The following GALNT13 variants were observed in gnomAD, a reference collection of about 807,000 sequenced individuals.
GALNT13 encodes the protein polypeptide N-acetylgalactosaminyltransferase 13, also known as UDP-GalNAc:polypeptide N-acetylgalactosaminyltransferase 13.
GALNT13 carries 28 observed loss-of-function variants against 64.2 expected under a neutral mutation model. The ratio of observed to expected loss-of-function variants is 0.44; its 90% CI spans 0.32 to 0.60. The LOEUF is 0.60. Ranked by LOEUF, GALNT13 falls within the 20% of genes least tolerant of loss-of-function variation. GALNT13 has a pLI of 0.05. For missense variants in GALNT13, 577 were observed against 669.8 expected (o/e 0.86, Z 1.53); for synonymous variants, 214 against 224.6 (o/e 0.95, Z 0.42).
the GALNT13 span, among the ~76,000 whole-genome samples, chr2:153,414,418 C>T: frequency 6.6e-6 from 1 of 150,518 alleles, no homozygotes; most frequent in Admixed American, 6.6e-5. Context: ...GTTACAGTGT[C>T]CTTTTAAATT....
chr2:154,151,140 T>G (rs560573291), intron 4 of GALNT13, among the ~76,000 whole-genome samples: 1 of 152,124 alleles, frequency 6.6e-6, no homozygotes. Context: ...TCTTTGTTCT[T>G]GTTGGTTTCA....
the GALNT13 span, among the ~76,000 whole-genome samples, chr2:153,251,776 C>G: frequency 6.6e-6 from 1 of 151,772 alleles, no homozygotes; most frequent in Non-Finnish European, 1.5e-5. Flanking sequence ...CAATTTCATC[C>G]ATGTCCCTAC....
chr2:153,345,750 C>CTTCT, the GALNT13 span, among the ~76,000 whole-genome samples: 1 of 137,670 alleles, frequency 7.3e-6, no homozygotes, highest in African/African-American at 2.7e-5. Flanking sequence ...TCCTTCCTTC[C>CTTCT]TTCCTTCCTT....
the GALNT13 span, among the ~76,000 whole-genome samples, chr2:153,627,246 C>T: frequency 2.0e-5 from 3 of 151,958 alleles, no homozygotes; most frequent in African/African-American, 7.2e-5. Flanking sequence ...ATTTCCAAAC[C>T]TAGAAATATC....
At chr2:153,259,729 C>T in the GALNT13 span, among the ~76,000 whole-genome samples, 1 of 152,182 alleles carries the variant, frequency 6.6e-6, no homozygotes, top group African/African-American at 2.4e-5. Flanking sequence ...GCCTCCCCAG[C>T]CATGTGGAAG....
At chr2:153,542,913 A>C in the GALNT13 span, among the ~76,000 whole-genome samples, 1 of 152,156 alleles carries the variant, frequency 6.6e-6, no homozygotes, top group Non-Finnish European at 1.5e-5. Flanking sequence ...CATCTAATAA[A>C]ATTTTGAGCA....
the GALNT13 span, among the ~76,000 whole-genome samples, chr2:153,319,496 C>A: frequency 8.5e-5 from 13 of 152,092 alleles, no homozygotes; most frequent in Non-Finnish European, 1.8e-4. Flanking sequence ...CCAGACTGTT[C>A]TTGAGCTCCT....
At chr2:153,352,336 C>G in the GALNT13 span, among the ~76,000 whole-genome samples, 1 of 151,966 alleles carries the variant, frequency 6.6e-6, no homozygotes, top group Admixed American at 6.6e-5. Context: ...TTTAAAAGTT[C>G]TTTGTATATT....
intron 4 of GALNT13, among the ~76,000 whole-genome samples, chr2:154,182,601 GAAATT>G (rs1486296412): frequency 1.3e-5 from 2 of 148,630 alleles, no homozygotes; most frequent in Non-Finnish European, 3.0e-5. Flanking sequence ...TGTTTTATAA[GAAATT>G]AAAGCAGAAA....
At chr2:153,678,523 A>G in the GALNT13 span, among the ~76,000 whole-genome samples, 1 of 152,034 alleles carries the variant, frequency 6.6e-6, no homozygotes, top group Admixed American at 6.6e-5. Context: ...ATGGGGGCCT[A>G]CTTGAAGGTG....
the GALNT13 span, among the ~76,000 whole-genome samples, chr2:153,305,898 C>T: frequency 3.3e-5 from 5 of 152,142 alleles, no homozygotes; most frequent in African/African-American, 9.7e-5. Context: ...AAAATGTTTG[C>T]TAAAGCATCT....
At chr2:153,200,337 A>G in the GALNT13 span, among the ~76,000 whole-genome samples, 2 of 152,364 alleles carry the variant, frequency 1.3e-5, no homozygotes, top group African/African-American at 4.8e-5. Context: ...TAGAAATGCA[A>G]TAACTAGTGG....
chr2:154,081,032 A>G (rs549690570), intron 3 of GALNT13, among the ~76,000 whole-genome samples: 2 of 151,646 alleles, frequency 1.3e-5, no homozygotes, highest in South Asian at 4.2e-4. Flanking sequence ...GTTGCTGTGC[A>G]TCCAAGATTC....
In GALNT13 at chr2:154,373,485, G is replaced by C. The variant is rs969822388; in HGVS notation, c.1157-22506G>C. 3.9e-5 allele frequency among the ~76,000 whole-genome samples: 6 copies of C among 152,236 alleles called. No homozygotes were observed. The South Asian group carries it at 1.2e-3, about 32-fold the overall frequency. On this transcript the variant is annotated intron_variant, in intron 9 of 12. Transcript: ENST00000392825. ...CCTTGAGAGCTGATTGTCTGGTTCAGACCTTCAATCTGCTTAGAAAAATGT... is the reference window on the plus strand; with the variant it reads ...CCTTGAGAGCTGATTGTCTGGTTCACACCTTCAATCTGCTTAGAAAAATGT...
At chr2:153,833,052 G>T in the GALNT13 span, among the ~76,000 whole-genome samples, 1 of 152,110 alleles carries the variant, frequency 6.6e-6, no homozygotes, top group Non-Finnish European at 1.5e-5. Context: ...ATTCTGAGTA[G>T]CCTGATGAAA....
rs372541314 is a variant in GALNT13 at position 153,884,766 on chromosome 2, A to AATATAT, written c.-177+12478_-177+12483dup. ...AAACCCAGTCTGTACTAAAAATACG[A>AATATAT]ATATATATATATATATATATGTGTG... On this transcript the variant is annotated intron_variant, in intron 1 of 12. Coordinates refer to ENST00000392825, the MANE Select transcript of GALNT13 (RefSeq NM_052917.4). Among the ~76,000 whole-genome samples the AATATAT allele has an allele frequency of 8.1e-3, 944 of 116,330 alleles. 21 individuals are homozygous for AATATAT. The highest frequency in any genetic ancestry group is 0.015 in the South Asian group (46 of 3,018). The allele number at this position is 116,330 out of a possible 152,430, so 76.3% of individuals were successfully genotyped here. A position where few individuals can be genotyped will look rare whatever the true frequency, so the allele number is the denominator to read the frequency against.
At chr2:153,837,481 T>C in the GALNT13 span, among the ~76,000 whole-genome samples, 1 of 152,086 alleles carries the variant, frequency 6.6e-6, no homozygotes, top group Non-Finnish European at 1.5e-5. Flanking sequence ...TTAGATTCCA[T>C]GTATTTAACT....
the GALNT13 span, among the ~76,000 whole-genome samples, chr2:153,223,251 C>A: frequency 6.6e-6 from 1 of 152,216 alleles, no homozygotes; most frequent in African/African-American, 2.4e-5. Context: ...CAGCACACTT[C>A]TATCAGTAAT....
At chr2:153,151,264 A>G in the GALNT13 span, among the ~76,000 whole-genome samples, 3 of 152,232 alleles carry the variant, frequency 2.0e-5, no homozygotes, top group Admixed American at 1.3e-4. Flanking sequence ...AGAAATGCAA[A>G]TCAAAACCAC....
Sources: gnomAD v4.1 joint callset for allele counts (sites outside exome capture counted in the v4.1 genomes callset) on GRCh38, gnomAD v4.1.1 for gene constraint, MANE v1.5 for transcripts, NCBI Gene and HGNC (gene_info 2026-07-23, HGNC 2026-07-21) for gene names.